Variants in PRR5 observed in about 807,000 individuals in gnomAD.
PRR5 encodes the protein proline-rich protein 5.
PRR5 carries 25 observed loss-of-function variants against 30.6 expected under a neutral mutation model. The observed-to-expected ratio is 0.82, with a 90% CI of 0.60 to 1.14. The LOEUF (loss-of-function observed/expected upper bound fraction) is 1.14. Ranked by LOEUF, PRR5 falls within the 50% of genes most tolerant of loss-of-function variation. The probability of loss-of-function intolerance (pLI) is 0.00; values close to 1 mark genes in which losing one functional copy is unlikely to be tolerated. For missense variants in PRR5, 600 were observed against 547.1 expected, an observed-to-expected ratio of 1.10 and a Z score of -0.96; for synonymous variants, 286 against 247.1, an observed-to-expected ratio of 1.16 and a Z score of -1.48.
In PRR5 at chr22:44,726,654, C is replaced by G. The variant is rs200815130; in HGVS notation, c.322+20C>G. The G allele has an allele frequency of 8.0e-5, 129 of 1,613,892 alleles. 1 individual carries two copies. In the East Asian group the frequency reaches 2.8e-3, roughly 35 times the overall value. ...ATGAGGGTGAGTGTGGGCCCCTTGG[C>G]GGCCACTCTGGGCCATGCTGGGTCC... On this transcript the variant is annotated intron_variant, in intron 4 of 7. Transcript: ENST00000336985.
chr22:44,675,842 G>A (rs1047556644), upstream of PRR5, among the ~76,000 whole-genome samples: 1 of 151,286 alleles, frequency 6.6e-6, no homozygotes, highest in African/African-American at 2.4e-5. Flanking sequence ...CTTGCAGACA[G>A]GAGCCAGATT....
At chr22:44,700,373 G>C (rs1315134938), upstream of PRR5, among the ~76,000 whole-genome samples, 6 of 152,198 alleles carry the variant, frequency 3.9e-5, no homozygotes, top group Non-Finnish European at 1.5e-5. Flanking sequence ...ATTGAGGCAG[G>C]AGAATCACTT....
intron 4 of PRR5, chr22:44,729,971 G>C: frequency 1.0e-6 from 1 of 985,434 alleles, no homozygotes; most frequent in Non-Finnish European, 1.2e-6. Flanking sequence ...GCATCCATCC[G>C]TCCGGGGCAT....
intron 1 of PRR5, among the ~76,000 whole-genome samples, chr22:44,705,948 T>C (rs976619513): frequency 6.6e-6 from 1 of 151,780 alleles, no homozygotes; most frequent in African/African-American, 2.4e-5. Flanking sequence ...CCCACTACCA[T>C]GCCACCATGC....
Position 44,734,726 on chromosome 22 carries a change from C to T in PRR5, c.556-301C>T, listed in dbSNP as rs1244007221. ...GCCTCTAGGACTCTTGAGTACAGGG[C>T]CCCTCCGAGGGGTGGAAGGTGCAGA... On this transcript the variant is annotated intron_variant, in intron 6 of 7. Transcript: ENST00000336985. 14 of 435,182 alleles carry T rather than the reference C, an allele frequency of 3.2e-5. No homozygotes were observed. The Admixed American group carries it at 4.2e-4, about 13-fold the overall frequency. The allele number at this position is 435,182 out of a possible 1,614,324, so 27.0% of individuals were successfully genotyped here.
chr22:44,726,800 T>C (rs1920965365), intron 4 of PRR5, among the ~76,000 whole-genome samples, 166 bp downstream of exon 4: 1 of 151,860 alleles, frequency 6.6e-6, no homozygotes, highest in African/African-American at 2.4e-5. Flanking sequence ...CCGAGATCCT[T>C]ACCCAGAGGG....
In PRR5 at chr22:44,682,198, T is replaced by C. The variant is rs376055360; in HGVS notation, c.-11+4958T>C. Among the ~76,000 whole-genome samples the C allele has an allele frequency of 3.9e-5, 6 of 151,926 alleles. No individual in the cohort carries two copies. The East Asian group carries it at 5.8e-4, about 15-fold the overall frequency. ...TCCCTTGCTCTGCTGGCCCCAAAGC[T>C]GAGAGGACCCTCCAGGGAGGCCTCT... On this transcript the variant is annotated intron_variant, in intron 1 of 8. Coordinates refer to the PRR5 transcript ENST00000006251.
In PRR5 at chr22:44,732,195, G is replaced by A. The variant is rs187551397; in HGVS notation, c.415-56G>A. On this transcript the variant is annotated intron_variant, in intron 5 of 7. Transcript: ENST00000336985. Reference sequence around the variant, plus strand: ...TGTGGGGTCCCAGGACCGGGAGAGGGGAGATGAGGACGCATGTGACCACAG... The same window carrying A: ...TGTGGGGTCCCAGGACCGGGAGAGGAGAGATGAGGACGCATGTGACCACAG... The A allele has an allele frequency of 2.2e-3, 3,474 of 1,593,206 alleles. 11 individuals are homozygous for A. The highest frequency in any genetic ancestry group is 5.7e-3 in the Admixed American group (340 of 59,746).
intron 1 of PRR5, among the ~76,000 whole-genome samples, chr22:44,696,489 C>T (rs948807024): frequency 6.6e-6 from 1 of 152,126 alleles, no homozygotes; most frequent in African/African-American, 2.4e-5. Flanking sequence ...TGTGTGACGT[C>T]TGGTGTATTA....
intron 2 of PRR5, among the ~76,000 whole-genome samples, chr22:44,724,588 G>C (rs868276306): frequency 6.6e-6 from 1 of 152,186 alleles, no homozygotes; most frequent in African/African-American, 2.4e-5. Flanking sequence ...GTGGAATGTG[G>C]TGCTCCCATT....
upstream of PRR5, among the ~76,000 whole-genome samples, chr22:44,699,202 C>A (rs780212222): frequency 6.6e-6 from 1 of 152,204 alleles, no homozygotes; most frequent in African/African-American, 2.4e-5. Context: ...TTCCCAGCCC[C>A]CTGTTTCCCT....
At chr22:44,678,527 C>G (rs1342832758) in intron 1 of PRR5, among the ~76,000 whole-genome samples, 1 of 152,088 alleles carries the variant, frequency 6.6e-6, no homozygotes, top group East Asian at 1.9e-4. Flanking sequence ...GTTGGCCAGG[C>G]TGGTCTCGAA....
At chr22:44,679,795 G>C in intron 1 of PRR5, 3 of 1,595,168 alleles carry the variant, frequency 1.9e-6, no homozygotes, top group Non-Finnish European at 1.7e-6. Context: ...AGAAGACATA[G>C]AGCCATGGTG....
upstream of PRR5, among the ~76,000 whole-genome samples, chr22:44,700,027 G>C (rs1316883206): frequency 2.0e-5 from 3 of 152,046 alleles, no homozygotes; most frequent in Non-Finnish European, 4.4e-5. Flanking sequence ...GTAAGTTTGA[G>C]AGCGTGGGCT....
intron 1 of PRR5, among the ~76,000 whole-genome samples, chr22:44,692,438 T>A (rs1925348851): frequency 9.1e-6 from 1 of 109,812 alleles, no homozygotes; most frequent in Non-Finnish European, 1.9e-5. Flanking sequence ...GGGCTCCTCC[T>A]CCTGGGGCTC....
chr22:44,673,629 CT>C (rs1330174905), upstream of PRR5, among the ~76,000 whole-genome samples: 3 of 152,202 alleles, frequency 2.0e-5, no homozygotes, highest in African/African-American at 7.2e-5. Flanking sequence ...TGGCTCCCTA[CT>C]TGATTATTCT....
At chr22:44,715,235 G>A (rs1928881309) in intron 2 of PRR5, among the ~76,000 whole-genome samples, 3 of 152,142 alleles carry the variant, frequency 2.0e-5, no homozygotes, top group Non-Finnish European at 4.4e-5. Flanking sequence ...ATTTGTAGTG[G>A]AGGAGGCCAA....
upstream of PRR5, among the ~76,000 whole-genome samples, chr22:44,699,663 G>C (rs1926078535): frequency 6.6e-6 from 1 of 152,208 alleles, no homozygotes; most frequent in African/African-American, 2.4e-5. Context: ...TTGCCCTCCT[G>C]GCTTATGGCA....
intron 1 of PRR5, among the ~76,000 whole-genome samples, chr22:44,707,265 C>T (rs1927375451): frequency 6.6e-6 from 1 of 152,222 alleles, no homozygotes; most frequent in Admixed American, 6.5e-5. Context: ...TCACATCTTC[C>T]CACTGGAGGA....
Sources: gnomAD v4.1 joint callset for allele counts (sites outside exome capture counted in the v4.1 genomes callset) on GRCh38, gnomAD v4.1.1 for gene constraint, MANE v1.5 for transcripts, NCBI Gene and HGNC (gene_info 2026-07-23, HGNC 2026-07-21) for gene names.